Variants in SGCD observed in about 807,000 individuals in gnomAD.
The protein encoded by SGCD is sarcoglycan delta.
A neutral mutation model predicts 36.6 loss-of-function variants in SGCD; 18 were observed. The observed-to-expected ratio is 0.49, with a 90% confidence interval of 0.34 to 0.73. SGCD has a LOEUF of 0.73. Among genes scored for constraint, SGCD ranks in the 30% least tolerant of loss-of-function variants. The pLI is 0.01. For missense variants in SGCD, 387 were observed against 346.7 expected (o/e 1.12, Z -0.92); for synonymous variants, 133 against 130.6 (o/e 1.02, Z -0.12).
At chr5:155,986,351 T>C (rs982944790) in intron 1 of SGCD, among the ~76,000 whole-genome samples, 2 of 152,196 alleles carry the variant, frequency 1.3e-5, no homozygotes, top group Non-Finnish European at 2.9e-5. Flanking sequence ...ACTCTTTCCT[T>C]TATGACTGCA....
chr5:155,866,994 CAAAT>C (rs1011655200), upstream of SGCD, among the ~76,000 whole-genome samples: 3 of 151,896 alleles, frequency 2.0e-5, no homozygotes, highest in African/African-American at 7.3e-5. Flanking sequence ...ATTTATGGGG[CAAAT>C]AAATAAAGAA....
intron 3 of SGCD, among the ~76,000 whole-genome samples, chr5:156,169,959 G>A (rs1049631521): frequency 1.3e-5 from 2 of 152,126 alleles, no homozygotes; most frequent in South Asian, 4.1e-4. Context: ...GGAAGTCTCT[G>A]GGTGTGCCCG....
At chr5:156,267,403 T>C (rs114654138) in intron 3 of SGCD, among the ~76,000 whole-genome samples, 470 of 152,254 alleles carry the variant, frequency 3.1e-3, no homozygotes, top group African/African-American at 0.011. Flanking sequence ...AAAAGAAAAA[T>C]GTTGAATTTT....
chr5:156,401,058 T>G (rs920222775), intron 3 of SGCD, among the ~76,000 whole-genome samples: 10 of 152,182 alleles, frequency 6.6e-5, no homozygotes, highest in Non-Finnish European at 1.5e-4. Context: ...TAAGACATAT[T>G]TCTTGCCCTC....
the SGCD span, among the ~76,000 whole-genome samples, chr5:155,853,086 A>G: frequency 1.3e-5 from 2 of 152,106 alleles, no homozygotes; most frequent in African/African-American, 4.8e-5. Flanking sequence ...ATGGATAGAA[A>G]CATCCATTAT....
At position 156,767,185 on chromosome 5, in the gene SGCD, G is replaced by T. The variant is rs941815830; in HGVS notation, c.*7795G>T. ...TCTCTGGAAGAGATGCAAGATTCTAGAAAAGTAAAGGGAAGTGTCGGCACA... is the reference window on the plus strand; with the variant it reads ...TCTCTGGAAGAGATGCAAGATTCTATAAAAGTAAAGGGAAGTGTCGGCACA... On this transcript the variant is annotated 3_prime_UTR_variant, in exon 9 of 9. Coordinates refer to ENST00000337851, the MANE Select transcript of SGCD (RefSeq NM_000337.6). 6.6e-6 allele frequency: 1 copy of T among 152,186 alleles called. No homozygotes were observed. Among genetic ancestry groups the T allele is most frequent in the Non-Finnish European group, 1.5e-5 (1 of 68,038 alleles). 9.4% of individuals were successfully genotyped at this position (152,186 alleles called of 1,614,324 possible).
At chr5:156,630,157 C>A (rs973272427) in intron 6 of SGCD, among the ~76,000 whole-genome samples, 3 of 152,194 alleles carry the variant, frequency 2.0e-5, no homozygotes, top group Non-Finnish European at 2.9e-5. Flanking sequence ...GTCACCACGC[C>A]TGGCCCTAAG....
At chr5:156,487,161 C>A (rs1268460587) in intron 3 of SGCD, among the ~76,000 whole-genome samples, 1 of 152,176 alleles carries the variant, frequency 6.6e-6, no homozygotes, top group Admixed American at 6.5e-5. Context: ...AACTGGGATC[C>A]CTGTCTCAAG....
chr5:156,246,888 G>A (rs939772735), intron 3 of SGCD, among the ~76,000 whole-genome samples: 3 of 151,884 alleles, frequency 2.0e-5, no homozygotes, highest in Admixed American at 1.3e-4. Flanking sequence ...ACCACTTTAG[G>A]CCTAAAACAT....
At chr5:156,499,652 G>A (rs256820) in intron 3 of SGCD, among the ~76,000 whole-genome samples, 87,780 of 151,962 alleles carry the variant, frequency 0.58, 25,544 homozygotes, top group African/African-American at 0.61. Context: ...TCAAAAAGGG[G>A]AGGGGTTTGG....
At chr5:155,945,962 C>T (rs1008905021) in intron 1 of SGCD, among the ~76,000 whole-genome samples, 16 of 152,076 alleles carry the variant, frequency 1.1e-4, no homozygotes, top group Non-Finnish European at 2.9e-5. Context: ...AGGGTGGGAG[C>T]ATGAAGGGAG....
chr5:156,608,516 T>A (rs1761600235), intron 6 of SGCD, among the ~76,000 whole-genome samples: 1 of 152,216 alleles, frequency 6.6e-6, no homozygotes, highest in African/African-American at 2.4e-5. Flanking sequence ...AGAATGTATA[T>A]TCTGTTGATT....
intron 1 of SGCD, among the ~76,000 whole-genome samples, chr5:155,877,545 G>A (rs1432722): frequency 2.0e-5 from 3 of 152,104 alleles, no homozygotes; most frequent in Admixed American, 2.0e-4. Flanking sequence ...ACAGTGCCCA[G>A]TTCAGAGTAA....
intron 1 of SGCD, among the ~76,000 whole-genome samples, chr5:156,070,932 G>A (rs1353398997): frequency 2.0e-5 from 3 of 152,130 alleles, no homozygotes; most frequent in Non-Finnish European, 4.4e-5. Context: ...GGTGTTTGTA[G>A]TATTCTCTGA....
chr5:155,956,948 T>C (rs1757669101), intron 1 of SGCD, among the ~76,000 whole-genome samples: 1 of 152,076 alleles, frequency 6.6e-6, no homozygotes, highest in Non-Finnish European at 1.5e-5. Context: ...TCAACCCACT[T>C]CACTTACCTT....
intron 7 of SGCD, among the ~76,000 whole-genome samples, chr5:156,685,676 G>C (rs545198926): frequency 3.9e-4 from 60 of 152,354 alleles, no homozygotes; most frequent in African/African-American, 1.4e-3. Context: ...TTACAGTACA[G>C]TTGGGGAGAT....
chr5:155,754,555 A>G, the SGCD span, among the ~76,000 whole-genome samples: 2 of 152,212 alleles, frequency 1.3e-5, no homozygotes, highest in Non-Finnish European at 2.9e-5. Flanking sequence ...GTCACAGGGA[A>G]CTATACAACA....
chr5:155,851,706 T>C, the SGCD span, among the ~76,000 whole-genome samples: 73 of 152,288 alleles, frequency 4.8e-4, no homozygotes, highest in African/African-American at 1.6e-3. Context: ...ACATACATCA[T>C]CCTGGCCTCA....
At chr5:156,234,824 T>C (rs1765114729) in intron 3 of SGCD, among the ~76,000 whole-genome samples, 2 of 152,052 alleles carry the variant, frequency 1.3e-5, no homozygotes, top group Non-Finnish European at 2.9e-5. Flanking sequence ...ATAATGCCAA[T>C]AGGAAGGAGA....
Sources: gnomAD v4.1 joint callset for allele counts (sites outside exome capture counted in the v4.1 genomes callset) on GRCh38, gnomAD v4.1.1 for gene constraint, MANE v1.5 for transcripts, NCBI Gene and HGNC (gene_info 2026-07-23, HGNC 2026-07-21) for gene names.